Variants in PGLYRP3 observed in about 807,000 individuals in gnomAD.
The protein encoded by PGLYRP3 is peptidoglycan recognition protein 3.
Under a neutral mutation model 36.0 loss-of-function variants are expected in PGLYRP3, and 39 were observed. The observed-to-expected ratio is 1.08, with a 90% confidence interval of 0.84 to 1.41. PGLYRP3 has a LOEUF of 1.41. Among genes scored for constraint, PGLYRP3 ranks in the 40% most tolerant of loss-of-function variants. The pLI, the probability that PGLYRP3 is intolerant of heterozygous loss-of-function variation, is 0.00. For missense variants in PGLYRP3, 407 were observed against 427.9 expected (o/e 0.95, Z 0.43); for synonymous variants, 204 against 172.8 (o/e 1.18, Z -1.42).
Position 153,299,177 on chromosome 1 carries a change from T to C in PGLYRP3, c.783A>G (p.Gln261=), listed in dbSNP as rs1323538441. The part of the protein sequence containing the change: ...GVYEGVGWHI[Q]GSHTYGFNDI... ...CGTTGAATCCATAAGTGTGAGAGCCTTGGATGTGCCATCCAACCCCTTCAT... is the reference window on the plus strand; with the variant it reads ...CGTTGAATCCATAAGTGTGAGAGCCCTGGATGTGCCATCCAACCCCTTCAT... The change falls in exon 7 of 8, where the codon CAA becomes CAG. Residue 261 remains glutamine (Q), a synonymous_variant. Transcript: ENST00000683862. 17 of 1,614,108 alleles carry C rather than the reference T, an allele frequency of 1.1e-5. No homozygotes were observed. The highest frequency in any genetic ancestry group is 1.4e-5 in the Non-Finnish European group (17 of 1,180,030).
At position 153,299,577 on chromosome 1, in the gene PGLYRP3, C is replaced by A. The variant is rs1571099160; in HGVS notation, c.729-346G>T. On this transcript the variant is annotated intron_variant, in intron 6 of 7. Transcript: ENST00000683862. Reference sequence around the variant, plus strand: ...GTTCCCTTCCCCGGGCTTCCACAACCACAACCCTCCTTGTTCTCCTCCTCC... The same window carrying A: ...GTTCCCTTCCCCGGGCTTCCACAACAACAACCCTCCTTGTTCTCCTCCTCC... Among the ~76,000 whole-genome samples the A allele has an allele frequency of 2.6e-5, 4 of 152,092 alleles. No homozygotes were observed. In the South Asian group the frequency reaches 6.2e-4, roughly 24 times the overall value.
At chr1:153,311,591 G>T (rs1659898987) in intron 1 of PGLYRP3, among the ~76,000 whole-genome samples, 1 of 152,176 alleles carries the variant, frequency 6.6e-6, no homozygotes, top group Non-Finnish European at 1.5e-5. Flanking sequence ...AATCTTTCCT[G>T]CTCTTTCAGG....
In PGLYRP3 at chr1:153,299,174, G is replaced by A; in HGVS notation, c.786C>T (p.Gly262=). Residue 262 remains glycine (G), a synonymous_variant, in exon 7 of 8, where the codon GGC becomes GGT. Transcript: ENST00000683862. The part of the protein sequence containing the change: ...VYEGVGWHIQ[G]SHTYGFNDIA... Reference sequence around the variant, plus strand: ...TATCGTTGAATCCATAAGTGTGAGAGCCTTGGATGTGCCATCCAACCCCTT... The same window carrying A: ...TATCGTTGAATCCATAAGTGTGAGAACCTTGGATGTGCCATCCAACCCCTT... 6.2e-7 allele frequency: 1 copy of A among 1,614,058 alleles called. No homozygotes were observed. Among genetic ancestry groups the A allele is most frequent in the Non-Finnish European group, 8.5e-7 (1 of 1,180,014 alleles).
At chr1:153,299,934 C>T (rs1037881753) in intron 6 of PGLYRP3, among the ~76,000 whole-genome samples, 4 of 152,232 alleles carry the variant, frequency 2.6e-5, no homozygotes, top group Admixed American at 2.6e-4. Flanking sequence ...CACTGCAAGT[C>T]ACTGGATCAC....
At chr1:153,298,771 G>A (rs1659511302) in intron 7 of PGLYRP3, among the ~76,000 whole-genome samples, 1 of 152,146 alleles carries the variant, frequency 6.6e-6, no homozygotes, top group South Asian at 2.1e-4. Context: ...ACAGGCAGTG[G>A]TGCTCCCCAA....
Position 153,297,792 on chromosome 1 carries a change from G to A in PGLYRP3, c.*164C>T, listed in dbSNP as rs561272887. On this transcript the variant is annotated 3_prime_UTR_variant, in exon 8 of 8. Transcript: ENST00000683862. ...GTGAATGCCCAGCTGTGAGGTTTGG[G>A]GGCTCCTGGAGGATGTTGGCAGGAA... 1.6e-5 allele frequency: 12 copies of A among 747,328 alleles called. No homozygotes were observed. The highest frequency in any genetic ancestry group is 1.2e-4 in the Admixed American group (4 of 33,472). The allele number at this position is 747,328 out of a possible 1,614,324, so 46.3% of individuals were successfully genotyped here. A position where few individuals can be genotyped will look rare whatever the true frequency, so the allele number is the denominator to read the frequency against.
At chr1:153,299,652 T>C (rs186868632) in intron 6 of PGLYRP3, among the ~76,000 whole-genome samples, 190 of 152,252 alleles carry the variant, frequency 1.2e-3, no homozygotes, top group South Asian at 4.6e-3. Flanking sequence ...TCCTCAAACA[T>C]GGTGCTCCTC....
At chr1:153,298,213 A>C in intron 7 of PGLYRP3, 79 bp from the exon 8 acceptor site, 3 of 1,489,758 alleles carry the variant, frequency 2.0e-6, no homozygotes, top group African/African-American at 1.4e-5. Flanking sequence ...CCTAGATTCC[A>C]GTTTCTTTCT....
In PGLYRP3 at chr1:153,297,574, AAAGAAAG is replaced by A. The variant is rs1427579269; in HGVS notation, c.*375_*381del. Among the ~76,000 whole-genome samples the A allele has an allele frequency of 2.8e-4, 30 of 105,962 alleles. 2 individuals carry two copies. The highest frequency in any genetic ancestry group is 1.1e-3 in the African/African-American group (30 of 26,586). 69.5% of individuals were successfully genotyped at this position (105,962 alleles called of 152,430 possible). A position where few individuals can be genotyped will look rare whatever the true frequency, so the allele number is the denominator to read the frequency against. ...AGGAAAGAAAGAAAAAGAAAGAAAG[AAAGAAAG>A]AAGAAAGAAAGAAAGAAAGAAAGAG... On this transcript the variant is annotated 3_prime_UTR_variant, in exon 8 of 8. Transcript: ENST00000683862.
Position 153,311,153 on chromosome 1 carries a change from G to T in PGLYRP3, c.-41-447C>A, listed in dbSNP as rs150348342. Among the ~76,000 whole-genome samples the T allele has an allele frequency of 4.8e-3, 726 of 152,040 alleles. 7 individuals carry two copies. The highest frequency in any genetic ancestry group is 0.017 in the African/African-American group (690 of 41,466). ...TACAAGCAGAAGCAGGCTTGGCTTCGCCCCCTGCACCATTTGAGAGTCCCA... is the reference window on the plus strand; with the variant it reads ...TACAAGCAGAAGCAGGCTTGGCTTCTCCCCCTGCACCATTTGAGAGTCCCA... On this transcript the variant is annotated intron_variant, in intron 1 of 7. Transcript: ENST00000683862.
chr1:153,309,396 A>G (rs1384553397), intron 2 of PGLYRP3, among the ~76,000 whole-genome samples: 1 of 152,196 alleles, frequency 6.6e-6, no homozygotes, highest in Non-Finnish European at 1.5e-5. Flanking sequence ...TTAGATTCCA[A>G]TCAGAATCTC....
In PGLYRP3 at chr1:153,307,073, C is replaced by G. The variant is rs76148921; in HGVS notation, c.250G>C (p.Ala84Pro). The G allele has an allele frequency of 2.0e-4, 324 of 1,613,542 alleles. No individual in the cohort carries two copies. The highest frequency in any genetic ancestry group is 2.4e-4 in the Non-Finnish European group (286 of 1,179,780). The change falls in exon 3 of 8, where the codon GCG becomes CCG. Residue 84 changes from alanine to proline, a missense_variant. Physicochemically the swap from Ala to Pro is conservative, Grantham distance 27. Coordinates refer to ENST00000683862, the MANE Select transcript of PGLYRP3 (RefSeq NM_052891.3). ...SVYTIGWCDVAYNFLVGDDGR... is the reference protein window; with the variant it reads ...SVYTIGWCDVPYNFLVGDDGR... ...ACTTGGCTAGCCTCTTACTTGTACG[C>G]CACGTCGCACCAGCCTATGGTGTAG... is the stretch of plus-strand genomic sequence containing the variant.
chr1:153,298,848 G>T (rs1169938320), intron 7 of PGLYRP3, among the ~76,000 whole-genome samples: 1 of 152,152 alleles, frequency 6.6e-6, no homozygotes, highest in African/African-American at 2.4e-5. Context: ...ACTGAAGTTT[G>T]CAAAAGACGT....
intron 5 of PGLYRP3, among the ~76,000 whole-genome samples, chr1:153,303,171 G>A (rs1453690366): frequency 2.6e-5 from 4 of 152,214 alleles, no homozygotes; most frequent in African/African-American, 7.2e-5. Context: ...TAGCAGGAGT[G>A]CTTATTAATT....
intron 6 of PGLYRP3, 73 bp from the exon 7 acceptor site, chr1:153,299,304 A>G (rs896672271): frequency 1.7e-4 from 182 of 1,055,710 alleles, no homozygotes; most frequent in Non-Finnish European, 2.2e-4. Context: ...CACTCCTTCA[A>G]CCACTCATTC....
chr1:153,306,040 G>A lies in PGLYRP3; in HGVS notation c.258-975C>T, dbSNP rs929176712. 6.6e-5 allele frequency among the ~76,000 whole-genome samples: 10 copies of A among 152,188 alleles called. No homozygotes were observed. In the East Asian group the frequency reaches 1.2e-3, roughly 18 times the overall value. ...TGACCAAACCAGAAAACACAGCAGCGACAACAGCAGGATGGTGGAGGTGCT... is the reference window on the plus strand; with the variant it reads ...TGACCAAACCAGAAAACACAGCAGCAACAACAGCAGGATGGTGGAGGTGCT... On this transcript the variant is annotated intron_variant, in intron 3 of 7. Coordinates refer to ENST00000683862, the MANE Select transcript of PGLYRP3 (RefSeq NM_052891.3).
Position 153,305,028 on chromosome 1 carries a change from C to T in PGLYRP3, c.295G>A (p.Val99Ile). The T allele has an allele frequency of 6.2e-7, 1 of 1,613,812 alleles. No individual in the cohort carries two copies. The highest frequency in any genetic ancestry group is 8.5e-7 in the Non-Finnish European group (1 of 1,179,860). ...VGDDGRVYEG[V>I]GWNIQGLHTQ... ...TGCAAGCCTTGGATGTTCCAGCCAA[C>T]ACCTTCATACACCCTGCCATCATCC... The change falls in exon 4 of 8, where the codon GTT becomes ATT. Residue 99 changes from valine to isoleucine, a missense_variant. Physicochemically the swap from Val to Ile is conservative, Grantham distance 29 (BLOSUM62 3). Transcript: ENST00000683862.
In PGLYRP3 at chr1:153,307,396, C is replaced by T. The variant is rs6699482; in HGVS notation, c.56-129G>A. 3,693 of 810,798 alleles carry T rather than the reference C, an allele frequency of 4.6e-3. 97 individuals are homozygous for T. The African/African-American group carries it at 0.055, about 12-fold the overall frequency. The allele number at this position is 810,798 out of a possible 1,614,324, so 50.2% of individuals were successfully genotyped here. On this transcript the variant is annotated intron_variant, in intron 2 of 7. Transcript: ENST00000683862. Reference sequence around the variant, plus strand: ...ATGCATGGGAGACACCCTGGGGGAGCCCTTCACCACCAAAGCCCCCTCCTT... The same window carrying T: ...ATGCATGGGAGACACCCTGGGGGAGTCCTTCACCACCAAAGCCCCCTCCTT...
rs748035763 is a variant in PGLYRP3, at chr1:153,297,918, G to C, written c.*38C>G. Reference sequence around the variant, plus strand: ...TGGTGAGGGTTGGAGAGACCCAGCAGGGGAGGGAGGGCAGTCTCAAAGGGA... The same window carrying C: ...TGGTGAGGGTTGGAGAGACCCAGCACGGGAGGGAGGGCAGTCTCAAAGGGA... On this transcript the variant is annotated 3_prime_UTR_variant, in exon 8 of 8. Coordinates refer to ENST00000683862, the MANE Select transcript of PGLYRP3 (RefSeq NM_052891.3). The C allele has an allele frequency of 6.2e-7, 1 of 1,603,904 alleles. No individual in the cohort carries two copies. The highest frequency in any genetic ancestry group is 8.5e-7 in the Non-Finnish European group (1 of 1,173,204).
Sources: gnomAD v4.1 joint callset for allele counts (sites outside exome capture counted in the v4.1 genomes callset) on GRCh38, gnomAD v4.1.1 for gene constraint, MANE v1.5 for transcripts, NCBI Gene and HGNC (gene_info 2026-07-23, HGNC 2026-07-21) for gene names.